RPS6KC1: variants seen among roughly 807,000 people sequenced by gnomAD.
The protein encoded by RPS6KC1 is inactive ribosomal protein S6 kinase delta-1.
RPS6KC1 carries 54 observed loss-of-function variants against 103.8 expected under a neutral mutation model. The ratio of observed to expected loss-of-function variants is 0.52; its 90% confidence interval spans 0.42 to 0.65. The LOEUF (loss-of-function observed/expected upper bound fraction) is 0.65, where lower values mean the gene tolerates loss of function less well. Ranked by LOEUF, RPS6KC1 falls within the 30% of genes least tolerant of loss-of-function variation. The probability of loss-of-function intolerance (pLI) is 0.00; values close to 1 mark genes in which losing one functional copy is unlikely to be tolerated. For synonymous variants in RPS6KC1, 439 were observed against 438.7 expected, an observed-to-expected ratio of 1.00 and a Z score of -0.01; for missense variants, 1,151 against 1,253.8, an observed-to-expected ratio of 0.92 and a Z score of 1.24.
chr1:213,658,340 A>C, the RPS6KC1 span, among the ~76,000 whole-genome samples: 1 of 152,188 alleles, frequency 6.6e-6, no homozygotes, highest in Non-Finnish European at 1.5e-5. Context: ...ACAGGGAAAG[A>C]GGTGAAGCGG....
the RPS6KC1 span, among the ~76,000 whole-genome samples, chr1:213,522,269 C>G: frequency 2.0e-4 from 30 of 152,146 alleles, no homozygotes; most frequent in Non-Finnish European, 8.8e-5. Flanking sequence ...TTTTCCTGAG[C>G]AGTAGGTCTC....
chr1:213,789,517 G>A, the RPS6KC1 span, among the ~76,000 whole-genome samples: 4 of 152,134 alleles, frequency 2.6e-5, no homozygotes. Flanking sequence ...GTCCTGACAC[G>A]TAGCTACGTC....
chr1:213,331,429 G>T, the RPS6KC1 span, among the ~76,000 whole-genome samples: 3 of 152,216 alleles, frequency 2.0e-5, no homozygotes, highest in Non-Finnish European at 2.9e-5. Flanking sequence ...TGGGGTCAAA[G>T]CCATTTTAGT....
chr1:213,154,922 G>A (rs975763491), intron 6 of RPS6KC1, among the ~76,000 whole-genome samples: 3 of 152,226 alleles, frequency 2.0e-5, no homozygotes, highest in African/African-American at 7.2e-5. Context: ...TAGTACCTGG[G>A]TAATGTTGCT....
At chr1:213,403,355 G>A in the RPS6KC1 span, among the ~76,000 whole-genome samples, 1 of 152,008 alleles carries the variant, frequency 6.6e-6, no homozygotes, top group African/African-American at 2.4e-5. Context: ...CTCCCCGAGG[G>A]GTGCCCTCAG....
intron 7 of RPS6KC1, among the ~76,000 whole-genome samples, chr1:213,171,523 A>G (rs1462602357): frequency 1.3e-5 from 2 of 152,218 alleles, no homozygotes; most frequent in African/African-American, 4.8e-5. Context: ...TAAATTTAGC[A>G]CATAAAATAT....
intron 8 of RPS6KC1, among the ~76,000 whole-genome samples, chr1:213,182,094 T>A (rs1180374619): frequency 1.3e-5 from 2 of 152,202 alleles, no homozygotes; most frequent in African/African-American, 4.8e-5. Flanking sequence ...GTTTTTATGC[T>A]TAGCTTGAAA....
the RPS6KC1 span, among the ~76,000 whole-genome samples, chr1:213,449,906 C>T: frequency 6.6e-6 from 1 of 152,182 alleles, no homozygotes; most frequent in African/African-American, 2.4e-5. Context: ...AGAAATTATT[C>T]CAGGCTTTAT....
intron 2 of RPS6KC1, among the ~76,000 whole-genome samples, chr1:213,075,097 C>T (rs1050723077): frequency 2.0e-5 from 3 of 151,846 alleles, no homozygotes; most frequent in African/African-American, 4.8e-5. Context: ...ATGATCCGCC[C>T]GCCTTGGCCT....
At chr1:213,616,587 G>T in the RPS6KC1 span, among the ~76,000 whole-genome samples, 1 of 152,204 alleles carries the variant, frequency 6.6e-6, no homozygotes, top group East Asian at 1.9e-4. Context: ...TAAGGTAGGA[G>T]GATCGCTTGA....
intron 6 of RPS6KC1, among the ~76,000 whole-genome samples, chr1:213,137,752 G>GCTCTCTCTCTCTCTCTCTCTCT (rs149436919): frequency 1.6e-4 from 2 of 12,208 alleles, no homozygotes; most frequent in Non-Finnish European, 1.9e-4. Context: ...AGTCCAGTTT[G>GCTCTCTCTCTCTCTCTCTCTCT]CTCTCTCTCT....
At chr1:213,086,274 A>G (rs2080387119) in intron 3 of RPS6KC1, among the ~76,000 whole-genome samples, 2 of 152,170 alleles carry the variant, frequency 1.3e-5, no homozygotes, top group Non-Finnish European at 2.9e-5. Flanking sequence ...CTCATCCCCT[A>G]GGAAATTTTG....
the RPS6KC1 span, among the ~76,000 whole-genome samples, chr1:213,554,380 T>G: frequency 6.6e-6 from 1 of 152,180 alleles, no homozygotes; most frequent in Non-Finnish European, 1.5e-5. Flanking sequence ...TTGGTCTATA[T>G]ATCTGCTTTT....
At chr1:213,394,032 G>A in the RPS6KC1 span, among the ~76,000 whole-genome samples, 1 of 152,172 alleles carries the variant, frequency 6.6e-6, no homozygotes, top group African/African-American at 2.4e-5. Context: ...CAAGGGACAT[G>A]GAGCCGTGGA....
At chr1:213,799,081 A>G in the RPS6KC1 span, among the ~76,000 whole-genome samples, 1 of 152,184 alleles carries the variant, frequency 6.6e-6, no homozygotes, top group African/African-American at 2.4e-5. Flanking sequence ...GGTTACTCTA[A>G]GTGTTCATTT....
intron 3 of RPS6KC1, among the ~76,000 whole-genome samples, chr1:213,083,878 T>C (rs1262724003): frequency 6.6e-6 from 1 of 152,168 alleles, no homozygotes; most frequent in African/African-American, 2.4e-5. Context: ...TAAAAAAGAC[T>C]GTAGCTTCCA....
chr1:213,752,597 T>C, the RPS6KC1 span, among the ~76,000 whole-genome samples: 1 of 152,184 alleles, frequency 6.6e-6, no homozygotes, highest in Non-Finnish European at 1.5e-5. Flanking sequence ...AGTCATTCCA[T>C]TGAATCAAGC....
the RPS6KC1 span, among the ~76,000 whole-genome samples, chr1:213,782,635 A>AGAG: frequency 2.6e-5 from 4 of 152,180 alleles, no homozygotes; most frequent in Admixed American, 6.5e-5. Context: ...AGAATGAGGA[A>AGAG]GAGGAGGAAG....
At chr1:213,541,266 G>A in the RPS6KC1 span, among the ~76,000 whole-genome samples, 2 of 150,468 alleles carry the variant, frequency 1.3e-5, no homozygotes, top group Admixed American at 1.3e-4. Flanking sequence ...TGCAGTTCGT[G>A]GAGCCCCCAA....
Sources: gnomAD v4.1 joint callset for allele counts (sites outside exome capture counted in the v4.1 genomes callset) on GRCh38, gnomAD v4.1.1 for gene constraint, MANE v1.5 for transcripts, NCBI Gene and HGNC (gene_info 2026-07-23, HGNC 2026-07-21) for gene names.